The following EYA1 variants were observed in gnomAD, a reference collection of about 807,000 sequenced individuals.
EYA1 encodes EYA transcriptional coactivator and phosphatase 1, also known as protein phosphatase EYA1.
Under a neutral mutation model 82.0 loss-of-function variants are expected in EYA1, and 16 were observed. The ratio of observed to expected loss-of-function variants is 0.20; its 90% CI spans 0.13 to 0.30. EYA1 has a LOEUF of 0.30. Among genes scored for constraint, EYA1 ranks in the 10% least tolerant of loss-of-function variants. EYA1 has a pLI of 1.00. For missense variants in EYA1, 633 were observed against 730.7 expected, an observed-to-expected ratio of 0.87 and a Z score of 1.54; for synonymous variants, 261 against 264.4, an observed-to-expected ratio of 0.99 and a Z score of 0.12.
chr8:71,216,735 T>A lies in EYA1; in HGVS notation c.1317A>T (p.Arg439Ser). The A allele has an allele frequency of 1.9e-6, 3 of 1,613,254 alleles. No homozygotes were observed. The highest frequency in any genetic ancestry group is 8.5e-7 in the Non-Finnish European group (1 of 1,179,746). The change falls in exon 14 of 18, where the codon AGA (arginine) becomes AGT (serine). Residue 439 changes from arginine (R) to serine (S), a missense_variant. Coordinates refer to ENST00000340726, the MANE Select transcript of EYA1 (RefSeq NM_000503.6). The part of the protein sequence containing the change: ...DWMRKLAFRY[R>S]RVKEIYNTYK... ...AGGTGTTGTAGATCTCTTTTACCCG[T>A]CTGTAGCGGAAGGCCAACTTTCTCA...
intron 11 of EYA1, among the ~76,000 whole-genome samples, chr8:71,259,334 A>G (rs1814819473): frequency 6.6e-6 from 1 of 152,134 alleles, no homozygotes; most frequent in African/African-American, 2.4e-5. Flanking sequence ...TCACCTGTGG[A>G]CACACTGGTA....
intron 11 of EYA1, among the ~76,000 whole-genome samples, chr8:71,268,398 A>G (rs1413003820): frequency 6.6e-6 from 1 of 152,246 alleles, no homozygotes; most frequent in Admixed American, 6.5e-5. Context: ...TTCAGATATT[A>G]GTCTTTAGTT....
At chr8:71,394,319 G>A (rs905216511) in intron 2 of EYA1, among the ~76,000 whole-genome samples, 13 of 152,092 alleles carry the variant, frequency 8.5e-5, no homozygotes, top group Non-Finnish European at 1.8e-4. Flanking sequence ...GTCAACTTTC[G>A]TTTTTGTTGC....
At chr8:71,463,889 A>T (rs1407800814) in intron 2 of EYA1, among the ~76,000 whole-genome samples, 1 of 151,690 alleles carries the variant, frequency 6.6e-6, no homozygotes, top group African/African-American at 2.4e-5. Context: ...CTCTTTTTGG[A>T]GCTTTCTCGC....
chr8:71,231,398 T>C (rs1433676022), intron 12 of EYA1, among the ~76,000 whole-genome samples: 1 of 152,238 alleles, frequency 6.6e-6, no homozygotes, highest in East Asian at 1.9e-4. Flanking sequence ...AAGCACTCTC[T>C]GTGTGTTCTG....
chr8:71,493,225 A>ATG (rs1186682456), intron 2 of EYA1, among the ~76,000 whole-genome samples: 5 of 152,198 alleles, frequency 3.3e-5, no homozygotes, highest in South Asian at 4.1e-4. Flanking sequence ...CAATGAACAT[A>ATG]TGTGTGTGTG....
intron 4 of EYA1, among the ~76,000 whole-genome samples, chr8:71,329,523 A>G (rs1823565532): frequency 1.3e-5 from 2 of 152,126 alleles, no homozygotes. Context: ...GTTTCTAGGC[A>G]GCCTCAGACT....
At chr8:71,380,232 C>T (rs905331744) in intron 2 of EYA1, among the ~76,000 whole-genome samples, 1 of 152,162 alleles carries the variant, frequency 6.6e-6, no homozygotes, top group African/African-American at 2.4e-5. Flanking sequence ...ACTAAATATA[C>T]TATTATGCAT....
At chr8:71,200,911 T>C (rs867732219) in intron 17 of EYA1, among the ~76,000 whole-genome samples, 1 of 150,258 alleles carries the variant, frequency 6.7e-6, no homozygotes, top group Non-Finnish European at 1.5e-5. Context: ...TTATGTGCAT[T>C]GCAGGACAGA....
chr8:71,476,353 T>G (rs1809662714), intron 2 of EYA1, among the ~76,000 whole-genome samples: 1 of 152,146 alleles, frequency 6.6e-6, no homozygotes, highest in African/African-American at 2.4e-5. Context: ...TCTAGCTACA[T>G]TAATCCATTA....
rs7826339 is a variant in EYA1, at chr8:71,331,295, C to T, written c.202+2802G>A. Reference sequence around the variant, plus strand: ...ACACACACACACACACATATATATACATATATATATTTCTATGTGTATTTC... The same window carrying T: ...ACACACACACACACACATATATATATATATATATATTTCTATGTGTATTTC... On this transcript the variant is annotated intron_variant, in intron 4 of 17. Coordinates refer to ENST00000340726, the MANE Select transcript of EYA1 (RefSeq NM_000503.6). Among the ~76,000 whole-genome samples the T allele has an allele frequency of 1.6e-4, 22 of 140,038 alleles. No homozygotes were observed. The East Asian group carries it at 4.5e-3, about 29-fold the overall frequency. 91.9% of individuals were successfully genotyped at this position (140,038 alleles called of 152,430 possible).
intron 2 of EYA1, among the ~76,000 whole-genome samples, chr8:71,490,886 C>A (rs1810941390): frequency 6.6e-6 from 1 of 152,182 alleles, no homozygotes; most frequent in Non-Finnish European, 1.5e-5. Flanking sequence ...ACCATGAAAG[C>A]AGATGGGTGG....
At chr8:71,261,334 T>G (rs78003602) in intron 11 of EYA1, among the ~76,000 whole-genome samples, 5,903 of 152,288 alleles carry the variant, frequency 0.039, 350 homozygotes, top group African/African-American at 0.12. Flanking sequence ...ATCACTGGGC[T>G]ACTTAGATAT....
intron 9 of EYA1, among the ~76,000 whole-genome samples, chr8:71,273,633 G>A (rs1269574069): frequency 3.3e-5 from 5 of 152,190 alleles, no homozygotes; most frequent in Non-Finnish European, 5.9e-5. Flanking sequence ...ACGTCTCCAT[G>A]CAGAACCAGA....
At chr8:71,529,948 A>AG (rs1814135928) in intron 2 of EYA1, 1 of 152,178 alleles carries the variant, frequency 6.6e-6, no homozygotes, top group African/African-American at 2.4e-5. Flanking sequence ...CTGAGACAGG[A>AG]GGGGGATAGG....
At chr8:71,529,605 C>T (rs1013960984) in intron 2 of EYA1, 3 of 152,134 alleles carry the variant, frequency 2.0e-5, no homozygotes, top group Non-Finnish European at 4.4e-5. Context: ...CCCAGCCTCT[C>T]CTCTGGGAAC....
rs1806591403 is a variant in EYA1, at chr8:71,198,993, G to A, written c.*347C>T. ...TTGTGCAATTAGGTTTGCTGTATTG[G>A]AGAAGCTGTTTATATCACATTGAAA... On this transcript the variant is annotated 3_prime_UTR_variant, in exon 18 of 18. Transcript: ENST00000340726. 2.9e-6 allele frequency: 1 copy of A among 339,848 alleles called. No individual in the cohort carries two copies. The highest frequency in any genetic ancestry group is 5.7e-6 in the Non-Finnish European group (1 of 175,030). 21.1% of individuals were successfully genotyped at this position (339,848 alleles called of 1,614,324 possible). A position where few individuals can be genotyped will look rare whatever the true frequency, so the allele number is the denominator to read the frequency against.
intron 12 of EYA1, chr8:71,225,379 C>T: frequency 2.2e-6 from 1 of 453,496 alleles, no homozygotes; most frequent in Non-Finnish European, 4.4e-6. Context: ...TCATCTCTGT[C>T]TAGGGTACAC....
chr8:71,336,605 G>C (rs953267782), intron 3 of EYA1, among the ~76,000 whole-genome samples: 3 of 152,152 alleles, frequency 2.0e-5, no homozygotes, highest in Non-Finnish European at 4.4e-5. Flanking sequence ...TCACTCCCAA[G>C]AGGCACATTC....
Sources: allele counts gnomAD v4.1 joint callset (sites outside exome capture counted in the v4.1 genomes callset), GRCh38; gene constraint gnomAD v4.1.1; transcripts MANE v1.5; gene names NCBI Gene and HGNC (gene_info 2026-07-23, HGNC 2026-07-21).